XPO1: variants seen among roughly 807,000 people sequenced by gnomAD.
XPO1 encodes the protein exportin 1, also known as exportin-1.
Under a neutral mutation model 133.3 loss-of-function variants are expected in XPO1, and 5 were observed. That is an observed-to-expected ratio of 0.04 (90% confidence interval 0.02 to 0.08). The LOEUF (loss-of-function observed/expected upper bound fraction) is 0.08. Among genes scored for constraint, XPO1 ranks in the 10% least tolerant of loss-of-function variants. The probability of loss-of-function intolerance (pLI) is 1.00; values close to 1 mark genes in which losing one functional copy is unlikely to be tolerated. For synonymous variants in XPO1, 419 were observed against 408.2 expected (o/e 1.03, Z -0.32); for missense variants, 506 against 1,267.5 (o/e 0.40, Z 9.12).
chr2:61,516,556 AG>A (rs1279891816), intron 4 of XPO1, among the ~76,000 whole-genome samples: 4 of 151,830 alleles, frequency 2.6e-5, no homozygotes, highest in Non-Finnish European at 4.4e-5. Context: ...CTGGGATTAC[AG>A]GCATGCGCCA....
intron 9 of XPO1, among the ~76,000 whole-genome samples, chr2:61,497,586 T>C (rs1697302617): frequency 1.3e-5 from 2 of 152,198 alleles, no homozygotes; most frequent in Admixed American, 6.5e-5. Flanking sequence ...GATATGACTT[T>C]TAGGAATGTT....
chr2:61,500,186 G>C (rs1481980437), intron 6 of XPO1, among the ~76,000 whole-genome samples: 1 of 152,130 alleles, frequency 6.6e-6, no homozygotes, highest in Non-Finnish European at 1.5e-5. Flanking sequence ...TAGATATGTA[G>C]AAATTATTCT....
chr2:61,516,529 C>G (rs1336336043), intron 4 of XPO1, among the ~76,000 whole-genome samples: 1 of 152,016 alleles, frequency 6.6e-6, no homozygotes, highest in African/African-American at 2.4e-5. Flanking sequence ...ATTCTCCTGC[C>G]TCAGCCTCCC....
intron 4 of XPO1, among the ~76,000 whole-genome samples, chr2:61,514,698 G>A (rs868071705): frequency 2.0e-5 from 3 of 151,770 alleles, no homozygotes; most frequent in Non-Finnish European, 4.4e-5. Context: ...AATGTCAGCC[G>A]AGATGTGAAA....
At chr2:61,518,540 C>T (rs1297286848) in intron 4 of XPO1, among the ~76,000 whole-genome samples, 1 of 150,576 alleles carries the variant, frequency 6.6e-6, no homozygotes, top group East Asian at 1.9e-4. Context: ...TGGTGTGAAA[C>T]CGGGAGGCAG....
chr2:61,485,081 CGTTAGGCAGGCTGG>C (rs1461314427), intron 20 of XPO1: 1 of 152,052 alleles, frequency 6.6e-6, no homozygotes, highest in African/African-American at 2.4e-5. Flanking sequence ...GGTTTTGCCA[CGTTAGGCAGGCTGG>C]TCTTGAACTC....
intron 3 of XPO1, chr2:61,525,871 T>C: frequency 9.6e-7 from 1 of 1,046,540 alleles, no homozygotes; most frequent in Non-Finnish European, 1.2e-6. Flanking sequence ...TAAGGCAGTT[T>C]AAAGAGAAGC....
chr2:61,525,510 TC>T, intron 3 of XPO1: 1 of 1,010,652 alleles, frequency 9.9e-7, no homozygotes, highest in Non-Finnish European at 1.2e-6. Flanking sequence ...TTCTTTCTGT[TC>T]CTCTAATCAT....
chr2:61,478,908 C>T lies in XPO1; in HGVS notation c.3128G>A (p.Arg1043Gln), dbSNP rs1299852905. 7 of 1,614,144 alleles carry T rather than the reference C, an allele frequency of 4.3e-6. No homozygotes were observed. Among genetic ancestry groups the T allele is most frequent in the Non-Finnish European group, 5.1e-6 (6 of 1,180,026 alleles). The part of the protein sequence containing the change: ...LFLEEREIAL[R>Q]QADEEKHKRQ... ...TTTATGTTTCTCTTCATCAGCCTGC[C>T]GTAGGGCTATTTCTCTCTCTTCCAA... Residue 1043 changes from arginine to glutamine, a missense_variant, in exon 25 of 25, where the codon CGG becomes CAG. By Grantham distance (43) the Arg-to-Gln change is conservative. Around this residue, in one of 6 missense-constraint regions of XPO1, gnomAD observed 203 missense variants for 365.9 expected, o/e 0.55. Coordinates refer to ENST00000401558, the MANE Select transcript of XPO1 (RefSeq NM_003400.4).
rs775570792 is a variant in XPO1 at position 61,485,757 on chromosome 2, A to AT, written c.2508+10dup. 1.3e-6 allele frequency: 2 copies of AT among 1,592,354 alleles called. No homozygotes were observed. Among genetic ancestry groups the AT allele is most frequent in the Non-Finnish European group, 1.7e-6 (2 of 1,165,106 alleles). On this transcript the variant is annotated intron_variant, in intron 20 of 24. Transcript: ENST00000401558. ...AGAATTTCCCCCTTACATAACTGAA[A>AT]TATTACACACCTTATTTATCATATT...
intron 4 of XPO1, 133 bp downstream of exon 4, chr2:61,522,478 T>A: frequency 1.4e-6 from 1 of 738,658 alleles, no homozygotes; most frequent in Non-Finnish European, 2.2e-6. Context: ...CCTGTTTGCT[T>A]CATGATAAAA....
intron 9 of XPO1, 35 bp downstream of exon 9, chr2:61,498,638 T>G (rs763521269): frequency 6.2e-7 from 1 of 1,609,570 alleles, no homozygotes; most frequent in South Asian, 1.1e-5. Flanking sequence ...TATGTGGCTA[T>G]CCGGTGACAA....
chr2:61,497,915 T>C (rs1697323591), intron 9 of XPO1, among the ~76,000 whole-genome samples: 1 of 152,218 alleles, frequency 6.6e-6, no homozygotes, highest in Non-Finnish European at 1.5e-5. Context: ...AATTAAGCAA[T>C]AAACTGATCA....
At chr2:61,493,250 G>A in intron 12 of XPO1, 197 bp from the exon 13 acceptor site, 1 of 456,092 alleles carries the variant, frequency 2.2e-6, no homozygotes, top group Non-Finnish European at 3.8e-6. Flanking sequence ...AGAGCAGCTT[G>A]AGCAACACAA....
At chr2:61,531,954 A>C (rs1699173116) in intron 2 of XPO1, among the ~76,000 whole-genome samples, 1 of 152,150 alleles carries the variant, frequency 6.6e-6, no homozygotes, top group Admixed American at 6.5e-5. Context: ...GTTTCCATGG[A>C]CCTTTTTCAA....
chr2:61,523,123 T>G lies in XPO1; in HGVS notation c.229-440A>C, dbSNP rs141240664. ...CCATCCTCTAGGAGTTATAAGCTTT[T>G]GGCCAAATATTAAAGTATTGTCACA... On this transcript the variant is annotated intron_variant, in intron 3 of 24. Coordinates refer to ENST00000401558, the MANE Select transcript of XPO1 (RefSeq NM_003400.4). Among the ~76,000 whole-genome samples the G allele has an allele frequency of 3.3e-5, 5 of 152,352 alleles. No individual in the cohort carries two copies. In the East Asian group the frequency reaches 9.6e-4, roughly 29 times the overall value.
At chr2:61,528,745 A>C (rs1450589375) in intron 2 of XPO1, among the ~76,000 whole-genome samples, 1 of 14,304 alleles carries the variant, frequency 7.0e-5, no homozygotes, top group Admixed American at 5.2e-4. Flanking sequence ...ATATATATAT[A>C]TATATATATA....
chr2:61,482,898 T>G, intron 22 of XPO1, 59 bp downstream of exon 22: 1 of 1,600,290 alleles, frequency 6.2e-7, no homozygotes, highest in Non-Finnish European at 8.5e-7. Flanking sequence ...GCTGGGATTA[T>G]AGGCGTGAGG....
chr2:61,532,411 G>A (rs979047828), intron 2 of XPO1, among the ~76,000 whole-genome samples: 3 of 152,178 alleles, frequency 2.0e-5, no homozygotes, highest in South Asian at 2.1e-4. Context: ...ACAGGCGTGA[G>A]CCACCGCGCC....
Sources: gnomAD v4.1 joint callset for allele counts (sites outside exome capture counted in the v4.1 genomes callset) on GRCh38, gnomAD v4.1.1 for gene constraint, gnomAD v4.1.1 regional missense constraint, MANE v1.5 for transcripts, NCBI Gene and HGNC (gene_info 2026-07-23, HGNC 2026-07-21) for gene names.